Variants in CACNB1 observed in about 807,000 individuals in gnomAD.
CACNB1 encodes calcium voltage-gated channel auxiliary subunit beta 1, also known as voltage-dependent L-type calcium channel subunit beta-1.
A neutral mutation model predicts 71.6 loss-of-function variants in CACNB1; 29 were observed. The ratio of observed to expected loss-of-function variants is 0.40; its 90% CI spans 0.30 to 0.55. The LOEUF (loss-of-function observed/expected upper bound fraction) is 0.55. Among genes scored for constraint, CACNB1 ranks in the 20% least tolerant of loss-of-function variants. CACNB1 has a pLI of 0.38. For synonymous variants in CACNB1, 300 were observed against 319.6 expected (o/e 0.94, Z 0.65); for missense variants, 623 against 801.8 (o/e 0.78, Z 2.69).
Position 39,175,927 on chromosome 17 carries a change from C to T in CACNB1, c.1333-270G>A, listed in dbSNP as rs2045567157. On this transcript the variant is annotated intron_variant, in intron 13 of 13. Coordinates refer to ENST00000394303, the MANE Select transcript of CACNB1 (RefSeq NM_000723.5). This position sits in a 1 kb window ranked among gnomAD's most constrained non-coding sequence, Gnocchi z 4.7. Reference sequence around the variant, plus strand: ...TCTCAGGGCAACTATGGCCAACAGCCGTGAGCCATGAGTCACCGCTTCCTC... The same window carrying T: ...TCTCAGGGCAACTATGGCCAACAGCTGTGAGCCATGAGTCACCGCTTCCTC... Among the ~76,000 whole-genome samples, 2 of 152,256 alleles carry T rather than the reference C, an allele frequency of 1.3e-5. No individual in the cohort carries two copies. Among genetic ancestry groups the T allele is most frequent in the South Asian group, 4.1e-4 (2 of 4,824 alleles).
In CACNB1 at chr17:39,178,387, T is replaced by G. The variant is rs1251521155; in HGVS notation, c.1051-308A>C. ...CCCGCCCACTCTCCTTTTTTTTTGT[T>G]TTTTTTTTTTTAAATTTTAGAGACT... On this transcript the variant is annotated intron_variant, in intron 11 of 13. Transcript: ENST00000394303. The G allele has an allele frequency of 2.5e-5, 5 of 203,962 alleles. No homozygotes were observed. In the East Asian group the frequency reaches 4.6e-4, roughly 19 times the overall value. 12.6% of individuals were successfully genotyped at this position (203,962 alleles called of 1,614,324 possible). A position where few individuals can be genotyped will look rare whatever the true frequency, so the allele number is the denominator to read the frequency against.
At chr17:39,193,372 G>A in intron 2 of CACNB1, 1 of 395,340 alleles carries the variant, frequency 2.5e-6, no homozygotes, top group East Asian at 7.7e-5. Flanking sequence ...GAGACACGCT[G>A]GAGTAAAGGC....
chr17:39,193,614 G>A, intron 2 of CACNB1: 1 of 289,992 alleles, frequency 3.4e-6, no homozygotes, highest in South Asian at 2.6e-5. Context: ...GATGTGGCAA[G>A]GACTGCCCCC....
At position 39,186,660 on chromosome 17, in the gene CACNB1, G is replaced by C; in HGVS notation, c.552-88C>G. ...TCTCACATGCGGCACCCCCGGAGGT[G>C]CTCCAGCCCCACTGGTGATGCCACA... On this transcript the variant is annotated intron_variant, in intron 5 of 13. Coordinates refer to ENST00000394303, the MANE Select transcript of CACNB1 (RefSeq NM_000723.5). The surrounding 1 kb of genome is among the most constrained non-coding windows in gnomAD (Gnocchi z 4.1). The C allele has an allele frequency of 6.6e-7, 1 of 1,507,878 alleles. No homozygotes were observed. Among genetic ancestry groups the C allele is most frequent in the Admixed American group, 1.7e-5 (1 of 58,130 alleles). 93.4% of individuals were successfully genotyped at this position (1,507,878 alleles called of 1,614,324 possible).
In CACNB1 at chr17:39,186,976, C is replaced by T. The variant is rs1174685649; in HGVS notation, c.415-47G>A. ...GGTGGAAAGAGCAAGAGGGAAACTG[C>T]AGGGGCAAGCTAGCAGTCACTCTCT... On this transcript the variant is annotated intron_variant, in intron 4 of 13. Transcript: ENST00000394303. This position sits in a 1 kb window ranked among gnomAD's most constrained non-coding sequence, Gnocchi z 4.1. 6.2e-7 allele frequency: 1 copy of T among 1,600,950 alleles called. No homozygotes were observed.
chr17:39,195,147 T>A lies in CACNB1; in HGVS notation c.85-177A>T, dbSNP rs989879091. On this transcript the variant is annotated intron_variant, in intron 1 of 13. Coordinates refer to ENST00000394303, the MANE Select transcript of CACNB1 (RefSeq NM_000723.5). ...CAAGGGGAGGGAGGGTCTCCCATCC[T>A]CACGGAGAGGGCCCAGAGCACAGCC... 6.3e-5 allele frequency: 36 copies of A among 568,934 alleles called. No homozygotes were observed. In the African/African-American group the frequency reaches 6.5e-4, roughly 10 times the overall value. The allele number at this position is 568,934 out of a possible 1,614,324, so 35.2% of individuals were successfully genotyped here. A position where few individuals can be genotyped will look rare whatever the true frequency, so the allele number is the denominator to read the frequency against.
At chr17:39,187,787 G>A (rs550467423) in intron 3 of CACNB1, among the ~76,000 whole-genome samples, 186 bp from the exon 4 acceptor site, 14 of 152,324 alleles carry the variant, frequency 9.2e-5, no homozygotes, top group African/African-American at 2.4e-4. Context: ...GCCAAGGTAC[G>A]TGGATCATCT....
chr17:39,177,687 A>G (rs2045622051), intron 12 of CACNB1, 152 bp from the exon 13 acceptor site: 10 of 668,102 alleles, frequency 1.5e-5, no homozygotes, highest in Non-Finnish European at 2.3e-5. Flanking sequence ...GAGAGCTCTC[A>G]GATCTACAGA....
rs1010367759 is a variant in CACNB1, at chr17:39,194,417, G to A, written c.171+467C>T. On this transcript the variant is annotated intron_variant, in intron 2 of 13. Transcript: ENST00000394303. This position sits in a 1 kb window ranked among gnomAD's most constrained non-coding sequence, Gnocchi z 4.6. ...TTCTCTGTGCTTCTTAGACAGTCAT[G>A]TCTCGAGGTGAGGAGCGTGTTTCCC... Among the ~76,000 whole-genome samples the A allele has an allele frequency of 2.0e-5, 3 of 152,054 alleles. No individual in the cohort carries two copies. The highest frequency in any genetic ancestry group is 7.2e-5 in the African/African-American group (3 of 41,386).
chr17:39,174,801 A>G lies in CACNB1; in HGVS notation c.*392T>C, dbSNP rs138203509. ...GCCTCCCTTTCCAGGAAAAGCGCCC[A>G]GCCCTTCCCCAGTACTGCAGCTTGG... On this transcript the variant is annotated 3_prime_UTR_variant, in exon 14 of 14. Coordinates refer to ENST00000394303, the MANE Select transcript of CACNB1 (RefSeq NM_000723.5). 1 of 171,736 alleles carries G rather than the reference A, an allele frequency of 5.8e-6. No homozygotes were observed. Among genetic ancestry groups the G allele is most frequent in the East Asian group, 1.6e-4 (1 of 6,090 alleles). The allele number at this position is 171,736 out of a possible 1,614,324, so 10.6% of individuals were successfully genotyped here. A position where few individuals can be genotyped will look rare whatever the true frequency, so the allele number is the denominator to read the frequency against.
At chr17:39,183,368 G>GAAGAAGAAGAAGAA (rs1433401577) in intron 11 of CACNB1, among the ~76,000 whole-genome samples, 11 of 143,838 alleles carry the variant, frequency 7.6e-5, no homozygotes, top group Admixed American at 1.4e-4. Context: ...GAAGAAGAAA[G>GAAGAAGAAGAAGAA]GAAAGACCTC....
At chr17:39,185,358 TGGATCAGGGCTG>T in intron 6 of CACNB1, among the ~76,000 whole-genome samples, 1 of 152,116 alleles carries the variant, frequency 6.6e-6, no homozygotes, top group South Asian at 2.1e-4. Context: ...GAGGTGGCCC[TGGATCAGGGCTG>T]GGAGCAGGAC....
chr17:39,177,661 G>T, intron 12 of CACNB1, 126 bp from the exon 13 acceptor site: 1 of 724,658 alleles, frequency 1.4e-6, no homozygotes, highest in Non-Finnish European at 2.2e-6. Flanking sequence ...AGAGGCCTCT[G>T]GATGTAGAAG....
intron 8 of CACNB1, among the ~76,000 whole-genome samples, 157 bp downstream of exon 8, chr17:39,184,627 G>C (rs528769719): frequency 6.6e-6 from 1 of 152,160 alleles, no homozygotes; most frequent in East Asian, 1.9e-4. Flanking sequence ...CCTCTGAGTG[G>C]GTCTTTCTGT....
chr17:39,184,799 C>T lies in CACNB1; in HGVS notation c.714G>A (p.Ser238=), dbSNP rs141549614. 6 of 1,611,266 alleles carry T rather than the reference C, an allele frequency of 3.7e-6. No individual in the cohort carries two copies. The African/African-American group carries it at 5.4e-5, about 14-fold the overall frequency. ...GAAGTCCTACCTCGTAGCCCTTGAGCGACGGTCCCACCAGGATGATGGGCC... is the reference window on the plus strand; with the variant it reads ...GAAGTCCTACCTCGTAGCCCTTGAGTGACGGTCCCACCAGGATGATGGGCC... The part of the protein sequence containing the change: ...SMRPIILVGP[S]LKGYEVTDMM... Residue 238 remains serine, a synonymous_variant, in exon 8 of 14, where the codon TCG becomes TCA. Transcript: ENST00000394303.
intron 11 of CACNB1, among the ~76,000 whole-genome samples, chr17:39,182,324 C>CAAA (rs56792654): frequency 0.013 from 1,656 of 129,992 alleles, 31 homozygotes; most frequent in African/African-American, 0.044. Flanking sequence ...AAGGCTGTCT[C>CAAA]AAAAAAAAAA....
chr17:39,190,076 A>G (rs1218986917), intron 3 of CACNB1, among the ~76,000 whole-genome samples: 2 of 151,618 alleles, frequency 1.3e-5, no homozygotes, highest in Non-Finnish European at 2.9e-5. Flanking sequence ...AGATCGCACC[A>G]CTGTACCCCA....
chr17:39,184,701 T>C, intron 8 of CACNB1, 83 bp downstream of exon 8: 1 of 993,566 alleles, frequency 1.0e-6, no homozygotes, highest in Non-Finnish European at 1.6e-6. Flanking sequence ...TGCCTTGGGA[T>C]CGGGCCCTTC....
At chr17:39,190,092 G>A (rs987325928) in intron 3 of CACNB1, among the ~76,000 whole-genome samples, 2 of 151,402 alleles carry the variant, frequency 1.3e-5, no homozygotes, top group African/African-American at 4.8e-5. Context: ...CCCCAGCCTG[G>A]GCGGCAGTGC....
Sources: allele counts gnomAD v4.1 joint callset (sites outside exome capture counted in the v4.1 genomes callset), GRCh38; gene constraint gnomAD v4.1.1; non-coding constraint Gnocchi (gnomAD v3.1); transcripts MANE v1.5; gene names NCBI Gene and HGNC (gene_info 2026-07-23, HGNC 2026-07-21).